Variants in ASPM observed in about 807,000 individuals in gnomAD.
ASPM encodes abnormal spindle-like microcephaly-associated protein.
In ASPM, 256 loss-of-function variants were observed where a neutral mutation model predicts 366.4. The observed-to-expected ratio is 0.70, with a 90% CI of 0.63 to 0.77. The LOEUF (loss-of-function observed/expected upper bound fraction) is 0.77, where lower values mean the gene tolerates loss of function less well. Among genes scored for constraint, ASPM ranks in the 30% least tolerant of loss-of-function variants. The pLI is 0.00. For missense variants in ASPM, 4,146 were observed against 4,090.4 expected, an observed-to-expected ratio of 1.01 and a Z score of -0.37; for synonymous variants, 1,414 against 1,342.9, an observed-to-expected ratio of 1.05 and a Z score of -1.16.
At chr1:197,115,582 T>C (rs983456489) in intron 17 of ASPM, among the ~76,000 whole-genome samples, 2 of 152,230 alleles carry the variant, frequency 1.3e-5, no homozygotes, top group Non-Finnish European at 2.9e-5. Context: ...TCTTAAATAA[T>C]ACAACTTAAA....
chr1:197,142,285 T>C lies in ASPM; in HGVS notation c.1921+46A>G, dbSNP rs1247253739. 5.7e-6 allele frequency: 9 copies of C among 1,583,936 alleles called. No homozygotes were observed. The African/African-American group carries it at 1.2e-4, about 21-fold the overall frequency. On this transcript the variant is annotated intron_variant, in intron 3 of 27. Coordinates refer to ENST00000367409, the MANE Select transcript of ASPM (RefSeq NM_018136.5). ...AGATTTACTAAACCAAAAGGAAGTA[T>C]CCCCTTTACAGGTATACTTCAGTAG...
rs553249369 is a variant in ASPM at position 197,142,479 on chromosome 1, T to C, written c.1773A>G (p.Thr591=). The change falls in exon 3 of 28, where the codon ACA becomes ACG. Residue 591 remains threonine (T), a synonymous_variant. Coordinates refer to ENST00000367409, the MANE Select transcript of ASPM (RefSeq NM_018136.5). ...MEDANVRVAI[T]EHTEVREIKR... is the part of the protein sequence containing the mutation. ...TGATTTCTCGCACTTCTGTATGTTC[T>C]GTAATTGCAACTCTCACATTTGCAT... 1 of 1,614,054 alleles carries C rather than the reference T, an allele frequency of 6.2e-7. No homozygotes were observed. Among genetic ancestry groups the C allele is most frequent in the East Asian group, 2.2e-5 (1 of 44,876 alleles).
At chr1:197,139,117 T>A (rs923962864) in intron 4 of ASPM, 29 of 795,408 alleles carry the variant, frequency 3.6e-5, no homozygotes, top group Admixed American at 2.5e-4. Context: ...GCATTCATAG[T>A]GCTGAGTGTA....
chr1:197,138,879 CT>C, intron 4 of ASPM: 1 of 951,352 alleles, frequency 1.1e-6, no homozygotes, highest in Non-Finnish European at 1.7e-6. Flanking sequence ...TTCGAGCTTC[CT>C]TATCTCCTCC....
chr1:197,128,475 A>C lies in ASPM; in HGVS notation c.2936+15T>G. The C allele has an allele frequency of 6.2e-7, 1 of 1,604,160 alleles. No individual in the cohort carries two copies. Among genetic ancestry groups the C allele is most frequent in the Non-Finnish European group, 8.5e-7 (1 of 1,170,972 alleles). On this transcript the variant is annotated intron_variant, in intron 10 of 27. Coordinates refer to ENST00000367409, the MANE Select transcript of ASPM (RefSeq NM_018136.5). ...CTATTCCATTAAGCAAAATAATTCT[A>C]TTTCTTATACGTACACAAGGCGCAC...
rs189678019 is a variant in ASPM at position 197,101,490 on chromosome 1, A to G, written c.7761T>C (p.Tyr2587=). 2.5e-5 allele frequency: 40 copies of G among 1,609,446 alleles called. No individual in the cohort carries two copies. The highest frequency in any genetic ancestry group is 3.2e-5 in the Non-Finnish European group (38 of 1,179,032). The stretch of plus-strand genomic sequence containing the variant: ...CTTTCTGTTTCTTTTTATTTGCTCT[A>G]TATTTTTCTTGTATGATTTTTGTAG... ...QWATKIIQEK[Y]RANKKKQKVF... is the part of the protein sequence containing the mutation. The change falls in exon 18 of 28, where the codon TAT becomes TAC. Residue 2587 remains tyrosine, a synonymous_variant. Coordinates refer to ENST00000367409, the MANE Select transcript of ASPM (RefSeq NM_018136.5).
chr1:197,120,207 T>C (rs1310467432), intron 16 of ASPM, among the ~76,000 whole-genome samples: 3 of 151,930 alleles, frequency 2.0e-5, no homozygotes, highest in Non-Finnish European at 4.4e-5. Flanking sequence ...GGGATCTCAC[T>C]AGCAAAAAGC....
At chr1:197,134,778 C>T (rs1658367347) in intron 5 of ASPM, among the ~76,000 whole-genome samples, 1 of 152,222 alleles carries the variant, frequency 6.6e-6, no homozygotes, top group Admixed American at 6.5e-5. Flanking sequence ...CTATAGCTTT[C>T]CAACATACTT....
intron 17 of ASPM, among the ~76,000 whole-genome samples, chr1:197,116,247 C>T (rs1161088875): frequency 2.0e-5 from 3 of 152,108 alleles, no homozygotes; most frequent in Admixed American, 6.6e-5. Context: ...TGTCAACCTT[C>T]GTAGAACTGA....
intron 17 of ASPM, among the ~76,000 whole-genome samples, chr1:197,107,958 A>T (rs952036386): frequency 1.3e-5 from 2 of 152,094 alleles, no homozygotes; most frequent in African/African-American, 4.8e-5. Flanking sequence ...ATAAAAACAC[A>T]TGGTAGGCCA....
chr1:197,125,508 G>A (rs1376603514), intron 10 of ASPM, among the ~76,000 whole-genome samples: 2 of 152,100 alleles, frequency 1.3e-5, no homozygotes, highest in Non-Finnish European at 2.9e-5. Context: ...GGAGAGGGAT[G>A]TAGAGCAGAG....
intron 4 of ASPM, among the ~76,000 whole-genome samples, chr1:197,137,783 A>G (rs533761638): frequency 1.3e-5 from 2 of 152,252 alleles, no homozygotes; most frequent in South Asian, 4.1e-4. Flanking sequence ...ACCCAGCCTT[A>G]TTTTTACAAC....
rs779654988 is a variant in ASPM, at chr1:197,104,682, T to C, written c.4569A>G (p.Ala1523=). 1 of 1,613,020 alleles carries C rather than the reference T, an allele frequency of 6.2e-7. No individual in the cohort carries two copies. The highest frequency in any genetic ancestry group is 1.3e-5 in the African/African-American group (1 of 74,848). Residue 1523 remains alanine, a synonymous_variant, in exon 18 of 28, where the codon GCA becomes GCG. Transcript: ENST00000367409. ...SILTIQKYYK[A]YLKGKIERTN... The stretch of plus-strand genomic sequence containing the variant: ...TGCGCTCAATCTTTCCTTTCAGATA[T>C]GCTTTGTAGTACTTCTGGATGGTTA...
chr1:197,098,317 C>A (rs187536001), intron 18 of ASPM, among the ~76,000 whole-genome samples: 1 of 151,490 alleles, frequency 6.6e-6, no homozygotes, highest in African/African-American at 2.4e-5. Context: ...ACAAATCCCA[C>A]GCTTGTGTTG....
At position 197,143,479 on chromosome 1, in the gene ASPM, A is replaced by T. The variant is rs1456529355; in HGVS notation, c.773T>A (p.Leu258Gln). Reference protein sequence around the residue: ...SSLHASENRELLNVHSANVSK... With the variant: ...SSLHASENREQLNVHSANVSK... ...AACGTTGGCACTGTGTACATTTAAT[A>T]GTTCCCTATTTTCTGATGCATGAAG... The change falls in exon 3 of 28, where the codon CTA becomes CAA. Residue 258 changes from leucine to glutamine, a missense_variant. Around this residue, in one of 3 missense-constraint regions of ASPM, gnomAD observed 512 missense variants for 471.7 expected, o/e 1.09. Coordinates refer to ENST00000367409, the MANE Select transcript of ASPM (RefSeq NM_018136.5). The T allele has an allele frequency of 9.9e-6, 16 of 1,613,948 alleles. No homozygotes were observed.
At position 197,100,852 on chromosome 1, in the gene ASPM, G is replaced by A. The variant is rs1205381018; in HGVS notation, c.8399C>T (p.Ala2800Val). Reference protein sequence around the residue: ...EGVMIQEWYKASGLACSQEAE... With the variant: ...EGVMIQEWYKVSGLACSQEAE... ...TTCCTGTGAACAAGCAAGGCCAGAA[G>A]CTTTATACCACTCTTGAATCATAAC... Residue 2800 changes from alanine to valine, a missense_variant, in exon 18 of 28, where the codon GCT (alanine) becomes GTT (valine). Coordinates refer to ENST00000367409, the MANE Select transcript of ASPM (RefSeq NM_018136.5). 13 of 1,612,570 alleles carry A rather than the reference G, an allele frequency of 8.1e-6. No individual in the cohort carries two copies. Among genetic ancestry groups the A allele is most frequent in the Non-Finnish European group, 1.0e-5 (12 of 1,179,104 alleles).
Position 197,102,409 on chromosome 1 carries a change from CT to C in ASPM, c.6841del (p.Arg2281AspfsTer11). The C allele has an allele frequency of 6.2e-7, 1 of 1,612,598 alleles. No homozygotes were observed. Among genetic ancestry groups the C allele is most frequent in the Non-Finnish European group, 8.5e-7 (1 of 1,179,222 alleles). On this transcript the variant is annotated frameshift_variant, in exon 18 of 28. Transcript: ENST00000367409. LOFTEE classifies it high-confidence loss of function. ...RRFRTLMMRR[R>X]FLSLKKTAIL... ...AGCAGTTTTCTTGAGAGAGAGGAAT[CT>C]TCTTCTCATCATTAGAGTTCTAAAT...
intron 17 of ASPM, among the ~76,000 whole-genome samples, chr1:197,109,508 A>G (rs1256360585): frequency 6.6e-6 from 1 of 152,132 alleles, no homozygotes; most frequent in Non-Finnish European, 1.5e-5. Context: ...GATAAAGGGC[A>G]TCTACAAGAA....
chr1:197,114,349 GGTAGTTATT>G (rs1657681038), intron 17 of ASPM, among the ~76,000 whole-genome samples: 1 of 152,130 alleles, frequency 6.6e-6, no homozygotes, highest in Admixed American at 6.6e-5. Context: ...TGATCAGAAT[GGTAGTTATT>G]GTAGGTGGCT....
Sources: allele counts gnomAD v4.1 joint callset (sites outside exome capture counted in the v4.1 genomes callset), GRCh38; gene constraint gnomAD v4.1.1; regional missense constraint gnomAD v4.1.1; transcripts MANE v1.5; gene names NCBI Gene and HGNC (gene_info 2026-07-23, HGNC 2026-07-21).